RANBP2: variants seen among roughly 807,000 people sequenced by gnomAD.
The protein encoded by RANBP2 is RAN binding protein 2.
In RANBP2, 57 loss-of-function variants were observed where a neutral mutation model predicts 303.6. The observed-to-expected ratio is 0.19, with a 90% CI of 0.15 to 0.23. RANBP2 has a LOEUF of 0.23. Ranked by LOEUF, RANBP2 falls within the 10% of genes least tolerant of loss-of-function variation. The pLI is 1.00. For synonymous variants in RANBP2, 1,167 were observed against 1,301.5 expected, an observed-to-expected ratio of 0.90 and a Z score of 2.23; for missense variants, 3,138 against 3,780.8, an observed-to-expected ratio of 0.83 and a Z score of 4.46.
the RANBP2 span, among the ~76,000 whole-genome samples, chr2:109,726,361 G>A: frequency 6.6e-6 from 1 of 151,886 alleles, no homozygotes; most frequent in Non-Finnish European, 1.5e-5. Context: ...AGTGAGCCAG[G>A]ATCGCACCAC....
chr2:108,798,534 A>C, the RANBP2 span: 3 of 1,613,778 alleles, frequency 1.9e-6, no homozygotes, highest in African/African-American at 4.0e-5. Context: ...GCCTTGAGTA[A>C]AATTAAAGGT....
chr2:109,641,120 A>G, the RANBP2 span, among the ~76,000 whole-genome samples: 2 of 146,480 alleles, frequency 1.4e-5, no homozygotes, highest in African/African-American at 2.5e-5. Flanking sequence ...AAACAAAAGG[A>G]ATGGTTTTAT....
chr2:109,566,553 T>G, the RANBP2 span, among the ~76,000 whole-genome samples: 1 of 151,794 alleles, frequency 6.6e-6, no homozygotes, highest in Non-Finnish European at 1.5e-5. Flanking sequence ...TTCCTATTGT[T>G]TGTGTGTGTG....
At chr2:109,524,253 A>C in the RANBP2 span, among the ~76,000 whole-genome samples, 3 of 152,072 alleles carry the variant, frequency 2.0e-5, no homozygotes, top group African/African-American at 7.2e-5. Context: ...TGGGGCTCAG[A>C]GGGCAGTTCT....
the RANBP2 span, among the ~76,000 whole-genome samples, chr2:109,063,556 C>A: frequency 2.0e-5 from 3 of 152,180 alleles, no homozygotes; most frequent in African/African-American, 4.8e-5. Context: ...GACAGGGAAC[C>A]GTCCCGGGGT....
Position 108,783,743 on chromosome 2 carries a change from G to C in RANBP2, c.9517G>C (p.Val3173Leu), listed in dbSNP as rs745839957. 1.2e-6 allele frequency: 2 copies of C among 1,613,264 alleles called. No homozygotes were observed. Among genetic ancestry groups the C allele is most frequent in the South Asian group, 2.2e-5 (2 of 91,074 alleles). Residue 3173 changes from valine to leucine, a missense_variant, in exon 29 of 29, where the codon GTT (valine) becomes CTT (leucine). By Grantham distance (32) the Val-to-Leu change is conservative. Coordinates refer to ENST00000283195, the MANE Select transcript of RANBP2 (RefSeq NM_006267.5). Reference protein sequence around the residue: ...QGQNTNNSQFVITLKKAEHLD... With the variant: ...QGQNTNNSQFLITLKKAEHLD... ...CCAGAATACCAATAATTCTCAATTTGTTATAACACTGAAGAAAGCAGAACA... is the reference window on the plus strand; with the variant it reads ...CCAGAATACCAATAATTCTCAATTTCTTATAACACTGAAGAAAGCAGAACA...
chr2:109,528,959 T>C, the RANBP2 span, among the ~76,000 whole-genome samples: 1 of 152,164 alleles, frequency 6.6e-6, no homozygotes, highest in African/African-American at 2.4e-5. Context: ...TGTCCATGCC[T>C]TGACCTTAGC....
At chr2:109,488,881 C>T in the RANBP2 span, among the ~76,000 whole-genome samples, 18 of 152,172 alleles carry the variant, frequency 1.2e-4, no homozygotes, top group Non-Finnish European at 1.8e-4. Flanking sequence ...GGAGATAGGC[C>T]GGGAGGCTGC....
the RANBP2 span, among the ~76,000 whole-genome samples, chr2:109,467,763 C>A: frequency 1.9e-4 from 29 of 152,180 alleles, no homozygotes; most frequent in African/African-American, 6.3e-4. Context: ...TCCCACTGGG[C>A]ACCTTTTGCC....
the RANBP2 span, chr2:109,733,154 G>C: frequency 2.0e-6 from 1 of 494,468 alleles, no homozygotes; most frequent in African/African-American, 2.0e-5. Flanking sequence ...TCCTTCTCTA[G>C]GTTTCGTAGC....
chr2:109,062,428 G>T, the RANBP2 span, among the ~76,000 whole-genome samples: 138 of 152,188 alleles, frequency 9.1e-4, 1 homozygote, highest in African/African-American at 3.2e-3. Flanking sequence ...TCTTCCACTA[G>T]TTTCTAAGCC....
At chr2:109,080,356 G>A in the RANBP2 span, among the ~76,000 whole-genome samples, 5 of 152,196 alleles carry the variant, frequency 3.3e-5, no homozygotes, top group South Asian at 2.1e-4. Flanking sequence ...TGCCATAAGC[G>A]TGGGATGCAG....
the RANBP2 span, among the ~76,000 whole-genome samples, chr2:109,379,953 C>T: frequency 6.6e-6 from 1 of 152,288 alleles, no homozygotes; most frequent in African/African-American, 2.4e-5. Context: ...AAGCAGTGGT[C>T]TTGCCTTCAC....
the RANBP2 span, among the ~76,000 whole-genome samples, chr2:109,258,972 C>T: frequency 2.0e-5 from 3 of 152,230 alleles, no homozygotes; most frequent in Non-Finnish European, 4.4e-5. Flanking sequence ...GGGGCATCCG[C>T]ATGCCCTCTC....
the RANBP2 span, among the ~76,000 whole-genome samples, chr2:109,472,386 C>G: frequency 6.6e-6 from 1 of 152,030 alleles, no homozygotes; most frequent in Non-Finnish European, 1.5e-5. Flanking sequence ...AAGCAATCTT[C>G]CTTAAGAAGC....
chr2:108,976,201 A>G, the RANBP2 span, among the ~76,000 whole-genome samples: 2 of 152,174 alleles, frequency 1.3e-5, no homozygotes, highest in Admixed American at 6.5e-5. Context: ...CTTCTTGGCT[A>G]ACAAGACAAT....
chr2:109,321,705 C>T, the RANBP2 span, among the ~76,000 whole-genome samples: 4 of 152,216 alleles, frequency 2.6e-5, no homozygotes, highest in South Asian at 2.1e-4. Context: ...TCAACCCTGG[C>T]CCCCTGCCGT....
chr2:109,268,649 AGAATCTTTACTTT>A, the RANBP2 span, among the ~76,000 whole-genome samples: 1 of 152,214 alleles, frequency 6.6e-6, no homozygotes, highest in Non-Finnish European at 1.5e-5. Context: ...CACATTCAGT[AGAATCTTTACTTT>A]GAGTTCCTAC....
the RANBP2 span, among the ~76,000 whole-genome samples, chr2:109,184,335 C>T: frequency 5.9e-5 from 9 of 152,182 alleles, no homozygotes; most frequent in Admixed American, 2.0e-4. Context: ...AAAAATAAGA[C>T]GTTTATCGCA....
Sources: allele counts gnomAD v4.1 joint callset (sites outside exome capture counted in the v4.1 genomes callset), GRCh38; gene constraint gnomAD v4.1.1; transcripts MANE v1.5; gene names NCBI Gene and HGNC (gene_info 2026-07-23, HGNC 2026-07-21).